The following ABL1 variants were observed in gnomAD, a reference collection of about 807,000 sequenced individuals.
ABL1 encodes the protein tyrosine-protein kinase ABL1.
A neutral mutation model predicts 94.7 loss-of-function variants in ABL1; 11 were observed. The ratio of observed to expected loss-of-function variants is 0.12; its 90% CI spans 0.07 to 0.19. The LOEUF (loss-of-function observed/expected upper bound fraction) is 0.19, where lower values mean the gene tolerates loss of function less well. Among genes scored for constraint, ABL1 ranks in the 10% least tolerant of loss-of-function variants. The pLI is 1.00. For synonymous variants in ABL1, 656 were observed against 622.4 expected (o/e 1.05, Z -0.80); for missense variants, 1,082 against 1,489.4 (o/e 0.73, Z 4.50).
At chr9:130,739,828 A>G (rs1831794048) in intron 1 of ABL1, among the ~76,000 whole-genome samples, 1 of 152,194 alleles carries the variant, frequency 6.6e-6, no homozygotes, top group Admixed American at 6.5e-5. Context: ...TGAGAAGATT[A>G]CTTGAGCTCA....
rs555025994 is a variant in ABL1, at chr9:130,741,940, C to T, written c.136+27485C>T. Among the ~76,000 whole-genome samples, 18 of 152,316 alleles carry T rather than the reference C, an allele frequency of 1.2e-4. No homozygotes were observed. The South Asian group carries it at 3.5e-3, about 30-fold the overall frequency. ...TGGTGAGTGCCACAGCTTCCTGCCC[C>T]TTAACAGATCAGTGCCATGGTGGCT... On this transcript the variant is annotated intron_variant, in intron 1 of 10. Transcript: ENST00000372348.
chr9:130,741,008 A>G (rs1020267178), intron 1 of ABL1, among the ~76,000 whole-genome samples: 1 of 151,992 alleles, frequency 6.6e-6, no homozygotes, highest in Admixed American at 6.6e-5. Context: ...ATCTAACACG[A>G]GTGACTCCAT....
chr9:130,738,698 G>A (rs1156398795), intron 1 of ABL1, among the ~76,000 whole-genome samples: 1 of 152,128 alleles, frequency 6.6e-6, no homozygotes, highest in Non-Finnish European at 1.5e-5. Context: ...GCTGATTGAT[G>A]GACAAATCAT....
At chr9:130,842,976 T>C (rs1356097458) in intron 1 of ABL1, among the ~76,000 whole-genome samples, 2 of 152,246 alleles carry the variant, frequency 1.3e-5, no homozygotes, top group South Asian at 2.1e-4. Flanking sequence ...TTGGCCATGG[T>C]TTATATTTCA....
In ABL1 at chr9:130,836,098, C is replaced by T. The variant is rs538576422; in HGVS notation, c.79+573C>T. On this transcript the variant is annotated intron_variant, in intron 1 of 10. Coordinates refer to ENST00000318560, the MANE Select transcript of ABL1 (RefSeq NM_005157.6). ...ACAGAATTTCAAGTGATCTTTCCAT[C>T]TCCCCCACCCCCATCTTATCTACAG... is the stretch of plus-strand genomic sequence containing the variant. 1.2e-3 allele frequency among the ~76,000 whole-genome samples: 186 copies of T among 152,340 alleles called. 1 individual carries two copies. The highest frequency in any genetic ancestry group is 4.3e-3 in the African/African-American group (179 of 41,578).
At position 130,845,938 on chromosome 9, in the gene ABL1, G is replaced by A. The variant is rs557150963; in HGVS notation, c.80-8126G>A. Among the ~76,000 whole-genome samples the A allele has an allele frequency of 3.9e-5, 6 of 152,126 alleles. 1 individual carries two copies. Among genetic ancestry groups the A allele is most frequent in the Admixed American group, 3.9e-4 (6 of 15,276 alleles). On this transcript the variant is annotated intron_variant, in intron 1 of 10. Transcript: ENST00000318560. ...CTGTTGAGTCTGTAAGTTTTCAGCA[G>A]CTGTGTTTCTCCAAGGAGCGGGGCT...
chr9:130,849,463 A>T (rs1281571984), intron 1 of ABL1, among the ~76,000 whole-genome samples: 2 of 152,108 alleles, frequency 1.3e-5, no homozygotes, highest in African/African-American at 4.8e-5. Flanking sequence ...TTGGCAAGGA[A>T]TTTGCATTTC....
chr9:130,886,183 T>G lies in ABL1; in HGVS notation c.*500T>G, dbSNP rs1831580317. 4.2e-6 allele frequency: 1 copy of G among 240,678 alleles called. No individual in the cohort carries two copies. Among genetic ancestry groups the G allele is most frequent in the South Asian group, 1.7e-4 (1 of 6,004 alleles). The allele number at this position is 240,678 out of a possible 1,614,324, so 14.9% of individuals were successfully genotyped here. A position where few individuals can be genotyped will look rare whatever the true frequency, so the allele number is the denominator to read the frequency against. On this transcript the variant is annotated 3_prime_UTR_variant, in exon 11 of 11. Transcript: ENST00000318560. ...CCTTGCCCGTCGTGTGCTGAAGACA[T>G]GTTTCAAGAACCGCATTTCGGGAAG...
intron 1 of ABL1, among the ~76,000 whole-genome samples, chr9:130,756,875 C>G (rs536879770): frequency 6.6e-6 from 1 of 152,076 alleles, no homozygotes; most frequent in East Asian, 1.9e-4. Flanking sequence ...TCCTTTTTGC[C>G]TTGAGCTCAT....
intron 1 of ABL1, among the ~76,000 whole-genome samples, chr9:130,767,769 T>TCA (rs1031638703): frequency 2.6e-5 from 4 of 151,744 alleles, no homozygotes; most frequent in Non-Finnish European, 5.9e-5. Flanking sequence ...GTGTGCACAC[T>TCA]CACACACACG....
At chr9:130,868,432 C>T (rs953006395) in intron 4 of ABL1, among the ~76,000 whole-genome samples, 1 of 152,010 alleles carries the variant, frequency 6.6e-6, no homozygotes, top group African/African-American at 2.4e-5. Context: ...TGGCCCTGCT[C>T]AGGGAGGGGG....
intron 1 of ABL1, among the ~76,000 whole-genome samples, chr9:130,816,789 C>T (rs942601835): frequency 6.6e-5 from 10 of 151,970 alleles, no homozygotes; most frequent in South Asian, 2.1e-4. Flanking sequence ...CTACAACCTC[C>T]GCCTCCCGGG....
intron 1 of ABL1, among the ~76,000 whole-genome samples, chr9:130,770,832 G>A (rs1213398144): frequency 3.3e-5 from 5 of 152,146 alleles, no homozygotes; most frequent in Non-Finnish European, 5.9e-5. Flanking sequence ...TTGTAGACCC[G>A]GTACTATCAC....
chr9:130,821,966 A>C (rs994504643), intron 1 of ABL1, among the ~76,000 whole-genome samples: 1 of 151,802 alleles, frequency 6.6e-6, no homozygotes, highest in Non-Finnish European at 1.5e-5. Flanking sequence ...CAGCCTCCCA[A>C]GTACTGGGAC....
chr9:130,796,785 C>T (rs1370821411), intron 1 of ABL1, among the ~76,000 whole-genome samples: 1 of 150,654 alleles, frequency 6.6e-6, no homozygotes, highest in Non-Finnish European at 1.5e-5. Context: ...AACAAAAAAA[C>T]TTTTTTTGCC....
chr9:130,805,045 A>G (rs1375636237), intron 1 of ABL1, among the ~76,000 whole-genome samples: 1 of 152,172 alleles, frequency 6.6e-6, no homozygotes, highest in African/African-American at 2.4e-5. Flanking sequence ...TAAGTGAATA[A>G]TCTTGTTTAT....
intron 1 of ABL1, among the ~76,000 whole-genome samples, chr9:130,773,334 A>G (rs1003607585): frequency 6.6e-6 from 1 of 152,196 alleles, no homozygotes; most frequent in Non-Finnish European, 1.5e-5. Flanking sequence ...TTAAAAAAAA[A>G]TTTAAAAAAT....
chr9:130,735,946 TATATATATATA>T (rs1831731755), intron 1 of ABL1, among the ~76,000 whole-genome samples: 1 of 80,508 alleles, frequency 1.2e-5, no homozygotes, highest in African/African-American at 1.0e-4. Flanking sequence ...TATATATATA[TATATATATATA>T]TATATTTTTT....
At chr9:130,765,686 G>A (rs1314723078) in intron 1 of ABL1, among the ~76,000 whole-genome samples, 1 of 152,184 alleles carries the variant, frequency 6.6e-6, no homozygotes, top group Non-Finnish European at 1.5e-5. Flanking sequence ...ATTTGGTAAC[G>A]TAGAGGCACA....
Sources: allele counts gnomAD v4.1 joint callset (sites outside exome capture counted in the v4.1 genomes callset), GRCh38; gene constraint gnomAD v4.1.1; transcripts MANE v1.5; gene names NCBI Gene and HGNC (gene_info 2026-07-23, HGNC 2026-07-21).